ZNF536: variants seen among roughly 807,000 people sequenced by gnomAD.
ZNF536 encodes the protein zinc finger protein 536.
ZNF536 carries 13 observed loss-of-function variants against 84.5 expected under a neutral mutation model. The observed-to-expected ratio is 0.15, with a 90% CI of 0.10 to 0.24. ZNF536 has a LOEUF of 0.24. Among genes scored for constraint, ZNF536 ranks in the 10% least tolerant of loss-of-function variants. ZNF536 has a pLI of 1.00. For synonymous variants in ZNF536, 811 were observed against 742.5 expected (o/e 1.09, Z -1.50); for missense variants, 1,536 against 1,747.5 (o/e 0.88, Z 2.16).
intron 2 of ZNF536, among the ~76,000 whole-genome samples, chr19:30,500,678 C>T (rs1231623372): frequency 6.6e-6 from 1 of 151,126 alleles, no homozygotes; most frequent in African/African-American, 2.4e-5. Context: ...CAGCAGGAGG[C>T]TGTGGGATGA....
At chr19:30,681,495 C>CT (rs1211448893) in intron 1 of ZNF536, among the ~76,000 whole-genome samples, 1 of 152,162 alleles carries the variant, frequency 6.6e-6, no homozygotes, top group Non-Finnish European at 1.5e-5. Flanking sequence ...CTTAAGAGCT[C>CT]TCCGCATGAA....
intron 3 of ZNF536, among the ~76,000 whole-genome samples, chr19:30,366,303 G>T (rs1395557753): frequency 6.6e-6 from 1 of 152,136 alleles, no homozygotes; most frequent in Non-Finnish European, 1.5e-5. Flanking sequence ...CAGGCAAAGT[G>T]CCTGATCAAT....
intron 2 of ZNF536, among the ~76,000 whole-genome samples, chr19:30,453,216 G>C (rs2052690114): frequency 6.6e-6 from 1 of 152,194 alleles, no homozygotes; most frequent in African/African-American, 2.4e-5. Flanking sequence ...GACTTGGGCA[G>C]AGCTGTGGGA....
intron 2 of ZNF536, among the ~76,000 whole-genome samples, chr19:30,508,488 G>A (rs2055263820): frequency 6.6e-6 from 1 of 152,182 alleles, no homozygotes; most frequent in African/African-American, 2.4e-5. Context: ...GCTGCCACAT[G>A]GTGAATGACA....
At position 30,443,728 on chromosome 19, in the gene ZNF536, C is replaced by A. The variant is rs776167057; in HGVS notation, c.166C>A (p.Pro56Thr). 3 of 1,613,242 alleles carry A rather than the reference C, an allele frequency of 1.9e-6. No individual in the cohort carries two copies. The highest frequency in any genetic ancestry group is 1.1e-5 in the South Asian group (1 of 90,892). ...AFPELHPRPN[P>T]EEKPPASLEE... ...CCCCGAGCTCCATCCCCGGCCCAAC[C>A]CCGAGGAGAAGCCCCCCGCATCCCT... Residue 56 changes from proline to threonine, a missense_variant, in exon 2 of 5, where the codon CCC becomes ACC. By Grantham distance (38) the Pro-to-Thr change is conservative. Around this residue, in one of 8 missense-constraint regions of ZNF536, gnomAD observed 161 missense variants for 178.5 expected, o/e 0.90. Coordinates refer to ENST00000355537, the MANE Select transcript of ZNF536 (RefSeq NM_014717.3).
intron 1 of ZNF536, among the ~76,000 whole-genome samples, chr19:30,634,010 G>T (rs1347970146): frequency 6.6e-6 from 1 of 152,118 alleles, no homozygotes; most frequent in Non-Finnish European, 1.5e-5. Flanking sequence ...CTAAGCATGT[G>T]CCTGAAGTGA....
intron 1 of ZNF536, among the ~76,000 whole-genome samples, chr19:30,260,929 A>G (rs1257548197): frequency 3.3e-5 from 5 of 152,204 alleles, no homozygotes; most frequent in Non-Finnish European, 7.3e-5. Context: ...TGAGCTCTCC[A>G]CAAATGTGGC....
At chr19:30,312,023 G>A (rs570237541) in intron 2 of ZNF536, among the ~76,000 whole-genome samples, 15 of 152,254 alleles carry the variant, frequency 9.9e-5, no homozygotes, top group South Asian at 4.1e-4. Context: ...AGCTCTGATC[G>A]CACCACTGCA....
chr19:30,456,744 T>A (rs1182598234), intron 2 of ZNF536, among the ~76,000 whole-genome samples: 1 of 151,978 alleles, frequency 6.6e-6, no homozygotes, highest in Non-Finnish European at 1.5e-5. Context: ...GTGCTGGAGA[T>A]GCAAAGATGA....
chr19:30,316,992 C>T (rs562465538), intron 2 of ZNF536, among the ~76,000 whole-genome samples: 1 of 152,300 alleles, frequency 6.6e-6, no homozygotes, highest in East Asian at 1.9e-4. Context: ...TATGGGCACT[C>T]AGGTCAAAGC....
intron 1 of ZNF536, among the ~76,000 whole-genome samples, chr19:30,683,857 A>G (rs1235630292): frequency 2.6e-5 from 4 of 152,160 alleles, no homozygotes; most frequent in Admixed American, 1.3e-4. Flanking sequence ...GACATGCTCA[A>G]CTCACATTTC....
intron 1 of ZNF536, among the ~76,000 whole-genome samples, chr19:30,566,314 C>T (rs573032420): frequency 6.6e-6 from 1 of 152,308 alleles, no homozygotes; most frequent in Admixed American, 6.5e-5. Context: ...GCCCAAGGAA[C>T]AGCTCCCTTT....
intron 1 of ZNF536, among the ~76,000 whole-genome samples, chr19:30,683,166 G>T (rs1161426096): frequency 6.6e-6 from 1 of 152,148 alleles, no homozygotes; most frequent in Non-Finnish European, 1.5e-5. Context: ...CCACCTTTAT[G>T]GCTGCGAGGC....
chr19:30,439,211 T>C (rs1348122190), intron 1 of ZNF536, among the ~76,000 whole-genome samples: 1 of 151,926 alleles, frequency 6.6e-6, no homozygotes, highest in Non-Finnish European at 1.5e-5. Context: ...GCTGCGATGG[T>C]TTATCTTTTC....
intron 3 of ZNF536, among the ~76,000 whole-genome samples, chr19:30,359,247 A>C (rs1172738590): frequency 1.3e-5 from 2 of 152,216 alleles, no homozygotes; most frequent in African/African-American, 4.8e-5. Flanking sequence ...GTATTTGGTG[A>C]TTCCTGAGCA....
In ZNF536 at chr19:30,549,432, C is replaced by T. The variant is rs2146256832; in HGVS notation, c.3813C>T (p.Tyr1271=). The T allele has an allele frequency of 6.4e-7, 1 of 1,568,024 alleles. No homozygotes were observed. Residue 1271 remains tyrosine (Y), a synonymous_variant, in exon 4 of 5, where the codon TAC becomes TAT. Coordinates refer to ENST00000355537, the MANE Select transcript of ZNF536 (RefSeq NM_014717.3). ...PMNMLSVLRA[Y]SSDGLAAFNG... is the part of the protein sequence containing the mutation. Reference sequence around the variant, plus strand: ...ACATGCTGTCGGTCCTCAGGGCCTACAGTTCTGATGGCTTAGCAGCCTTTA... The same window carrying T: ...ACATGCTGTCGGTCCTCAGGGCCTATAGTTCTGATGGCTTAGCAGCCTTTA...
chr19:30,401,423 A>G lies in ZNF536; in HGVS notation c.-3+28867A>G, dbSNP rs560529374. Among the ~76,000 whole-genome samples the G allele has an allele frequency of 2.0e-5, 3 of 152,356 alleles. No individual in the cohort carries two copies. In the South Asian group the frequency reaches 6.2e-4, roughly 32 times the overall value. The stretch of plus-strand genomic sequence containing the variant: ...GTCCCAGTACCTCTGGCCTCCACCA[A>G]GAATGGATGTGAGCACTGGAACTGG... On this transcript the variant is annotated intron_variant, in intron 1 of 4. Transcript: ENST00000355537.
rs758182501 is a variant in ZNF536, at chr19:30,534,893, G to T, written c.2217G>T (p.Ala739=). 3.0e-5 allele frequency: 48 copies of T among 1,613,764 alleles called. No individual in the cohort carries two copies. Among genetic ancestry groups the T allele is most frequent in the Middle Eastern group, 1.6e-4 (1 of 6,084 alleles). Residue 739 remains alanine, a synonymous_variant, in exon 3 of 5, where the codon GCG becomes GCT. Coordinates refer to ENST00000355537, the MANE Select transcript of ZNF536 (RefSeq NM_014717.3). ...GATCTGCCGGCGTCCAGCAACCAGC[G>T]CTGCTTCGCGACAGAAGCCTGGGCT... ...AGRSAGVQQP[A]LLRDRSLGSA...
downstream of ZNF536, among the ~76,000 whole-genome samples, chr19:30,560,751 C>A (rs1461758162): frequency 6.6e-6 from 1 of 152,206 alleles, no homozygotes; most frequent in African/African-American, 2.4e-5. Flanking sequence ...TGTAGATATT[C>A]TGGTTGGAGA....
Sources: allele counts gnomAD v4.1 joint callset (sites outside exome capture counted in the v4.1 genomes callset), GRCh38; gene constraint gnomAD v4.1.1; regional missense constraint gnomAD v4.1.1; transcripts MANE v1.5; gene names NCBI Gene and HGNC (gene_info 2026-07-23, HGNC 2026-07-21).